CHRM3: variants seen among roughly 807,000 people sequenced by gnomAD.
The protein encoded by CHRM3 is cholinergic receptor muscarinic 3, also known as muscarinic acetylcholine receptor M3.
Under a neutral mutation model 41.8 loss-of-function variants are expected in CHRM3, and 11 were observed. The ratio of observed to expected loss-of-function variants is 0.26; its 90% CI spans 0.17 to 0.44. The LOEUF (loss-of-function observed/expected upper bound fraction) is 0.44. CHRM3 is among the 20% of genes least tolerant of loss of function. The probability of loss-of-function intolerance (pLI) is 1.00; values close to 1 mark genes in which losing one functional copy is unlikely to be tolerated. For synonymous variants in CHRM3, 297 were observed against 301.4 expected (o/e 0.99, Z 0.15); for missense variants, 571 against 745.4 (o/e 0.77, Z 2.72).
intron 6 of CHRM3, among the ~76,000 whole-genome samples, chr1:239,851,412 C>T (rs1456158220): frequency 6.6e-6 from 1 of 152,108 alleles, no homozygotes; most frequent in Non-Finnish European, 1.5e-5. Context: ...TTTATTTTAT[C>T]TTCCAATATT....
chr1:239,743,937 G>A (rs934149320), intron 5 of CHRM3, among the ~76,000 whole-genome samples: 1 of 148,860 alleles, frequency 6.7e-6, no homozygotes, highest in African/African-American at 2.5e-5. Context: ...ACGGACTACA[G>A]GTGCACACCA....
intron 5 of CHRM3, among the ~76,000 whole-genome samples, chr1:239,813,568 CA>C (rs924206715): frequency 6.6e-6 from 1 of 152,024 alleles, no homozygotes. Flanking sequence ...TAGTCTTCTC[CA>C]AAATAGAGAG....
intron 5 of CHRM3, among the ~76,000 whole-genome samples, chr1:239,778,801 G>A (rs1668297281): frequency 6.6e-6 from 1 of 152,178 alleles, no homozygotes; most frequent in Non-Finnish European, 1.5e-5. Flanking sequence ...CACGATTACA[G>A]GGGATGCCAG....
chr1:239,469,686 A>G (rs1665979308), intron 1 of CHRM3, among the ~76,000 whole-genome samples: 2 of 152,056 alleles, frequency 1.3e-5, no homozygotes, highest in African/African-American at 4.8e-5. Flanking sequence ...CCTCCGGAGT[A>G]GCTGGGATTA....
Position 239,911,698 on chromosome 1 carries a change from T to G in CHRM3, c.*2474T>G, listed in dbSNP as rs1278095155. ...CTAATAATAGCAGAAAAGGAACAAA[T>G]CCAAGACTCTAGGTCTCCCTTTTTT... On this transcript the variant is annotated 3_prime_UTR_variant, in exon 7 of 7. Transcript: ENST00000676153. 6.0e-6 allele frequency: 1 copy of G among 167,038 alleles called. No homozygotes were observed. The highest frequency in any genetic ancestry group is 1.5e-5 in the Non-Finnish European group (1 of 68,108). The allele number at this position is 167,038 out of a possible 1,614,324, so 10.3% of individuals were successfully genotyped here. A position where few individuals can be genotyped will look rare whatever the true frequency, so the allele number is the denominator to read the frequency against.
intron 5 of CHRM3, among the ~76,000 whole-genome samples, chr1:239,808,812 A>G (rs1376117877): frequency 1.3e-5 from 2 of 152,172 alleles, no homozygotes; most frequent in Non-Finnish European, 2.9e-5. Flanking sequence ...TAGAAAACCC[A>G]TCAGAAACGA....
intron 3 of CHRM3, among the ~76,000 whole-genome samples, chr1:239,560,257 C>T (rs545693949): frequency 6.6e-6 from 1 of 152,178 alleles, no homozygotes; most frequent in Admixed American, 6.5e-5. Flanking sequence ...TTTGCTACAT[C>T]TTTCTTTAGT....
In CHRM3 at chr1:239,677,788, G is replaced by A. The variant is rs533656174; in HGVS notation, c.-249-398G>A. ...GACAGTCATTCTATACAAAACCATA[G>A]CAGCTTTATATCAACCTAATAATAT... is the stretch of plus-strand genomic sequence containing the variant. On this transcript the variant is annotated intron_variant, in intron 4 of 6. Transcript: ENST00000676153. Among the ~76,000 whole-genome samples the A allele has an allele frequency of 1.3e-4, 20 of 152,270 alleles. No individual in the cohort carries two copies. The East Asian group carries it at 3.1e-3, about 24-fold the overall frequency.
intron 5 of CHRM3, among the ~76,000 whole-genome samples, chr1:239,715,152 A>G (rs1406006892): frequency 6.6e-6 from 1 of 152,140 alleles, no homozygotes; most frequent in African/African-American, 2.4e-5. Flanking sequence ...ATCAACTATG[A>G]GTTACTGATT....
intron 5 of CHRM3, among the ~76,000 whole-genome samples, chr1:239,690,858 G>C (rs1475205273): frequency 2.0e-5 from 3 of 151,784 alleles, no homozygotes; most frequent in African/African-American, 4.8e-5. Context: ...TTGTAACAAA[G>C]TACCTAAATG....
intron 6 of CHRM3, among the ~76,000 whole-genome samples, chr1:239,856,534 G>C (rs940346191): frequency 6.6e-6 from 1 of 151,940 alleles, no homozygotes; most frequent in South Asian, 2.1e-4. Flanking sequence ...CATGCTTCCC[G>C]TGCAGCCTGC....
intron 3 of CHRM3, among the ~76,000 whole-genome samples, chr1:239,602,303 G>T (rs1231953926): frequency 6.6e-6 from 1 of 151,794 alleles, no homozygotes; most frequent in East Asian, 1.9e-4. Flanking sequence ...GACAATTTTA[G>T]GTATTGTTAT....
intron 2 of CHRM3, among the ~76,000 whole-genome samples, chr1:239,541,986 T>G (rs1658825753): frequency 1.3e-5 from 2 of 152,122 alleles, no homozygotes; most frequent in Non-Finnish European, 2.9e-5. Context: ...TCAACAGGAA[T>G]CCGAAGAGCC....
chr1:239,605,895 G>A (rs1338816285), intron 3 of CHRM3: 2 of 152,078 alleles, frequency 1.3e-5, no homozygotes, highest in Non-Finnish European at 2.9e-5. Context: ...GTCACTTTAG[G>A]TTCAGTTTCC....
At position 239,914,009 on chromosome 1, in the gene CHRM3, A is replaced by G. The variant is rs4659554; in HGVS notation, c.*4785A>G. On this transcript the variant is annotated 3_prime_UTR_variant, in exon 7 of 7. Transcript: ENST00000676153. ...CATCTAGAGAATCAAAGGGGCTCAC[A>G]TCTCAGTTGCATTCTATTTAAAAGA... The G allele has an allele frequency of 0.36, 59,712 of 166,738 alleles. 12,759 individuals carry two copies. The highest frequency in any genetic ancestry group is 0.62 in the African/African-American group (25,557 of 41,410). The allele number at this position is 166,738 out of a possible 1,614,324, so 10.3% of individuals were successfully genotyped here. A position where few individuals can be genotyped will look rare whatever the true frequency, so the allele number is the denominator to read the frequency against.
chr1:239,572,632 A>T (rs1319657794), intron 3 of CHRM3, among the ~76,000 whole-genome samples: 1 of 152,166 alleles, frequency 6.6e-6, no homozygotes. Flanking sequence ...CTCATTAGGT[A>T]TTTGCCATAT....
chr1:239,487,294 T>A lies in CHRM3; in HGVS notation c.-520-5415T>A, dbSNP rs540710708. Among the ~76,000 whole-genome samples, 15 of 152,282 alleles carry A rather than the reference T, an allele frequency of 9.9e-5. 1 individual carries two copies. Among genetic ancestry groups the A allele is most frequent in the African/African-American group, 3.1e-4 (13 of 41,562 alleles). ...GTTTTTCAAATTCAGTATAATATTA[T>A]CATTATTTTCAGATAATATAGTCTT... On this transcript the variant is annotated intron_variant, in intron 1 of 6. Coordinates refer to ENST00000676153, the MANE Select transcript of CHRM3 (RefSeq NM_001375978.1).
At chr1:239,468,153 G>C (rs568495040) in intron 1 of CHRM3, among the ~76,000 whole-genome samples, 3 of 152,038 alleles carry the variant, frequency 2.0e-5, no homozygotes, top group Admixed American at 2.0e-4. Context: ...TTGTCCCAGG[G>C]TTCAAAACAT....
intron 6 of CHRM3, among the ~76,000 whole-genome samples, chr1:239,843,679 A>G (rs1018896083): frequency 6.6e-6 from 1 of 152,128 alleles, no homozygotes; most frequent in African/African-American, 2.4e-5. Flanking sequence ...CAGCTAAAAA[A>G]GACTTTAATT....
Sources: gnomAD v4.1 joint callset for allele counts (sites outside exome capture counted in the v4.1 genomes callset) on GRCh38, gnomAD v4.1.1 for gene constraint, MANE v1.5 for transcripts, NCBI Gene and HGNC (gene_info 2026-07-23, HGNC 2026-07-21) for gene names.